The following SLC24A2 variants were observed in gnomAD, a reference collection of about 807,000 sequenced individuals.
SLC24A2 encodes the protein solute carrier family 24 member 2.
Under a neutral mutation model 62.0 loss-of-function variants are expected in SLC24A2, and 36 were observed. The observed-to-expected ratio is 0.58, with a 90% CI of 0.44 to 0.77. The LOEUF (loss-of-function observed/expected upper bound fraction) is 0.77. Among genes scored for constraint, SLC24A2 ranks in the 30% least tolerant of loss-of-function variants. The probability of loss-of-function intolerance (pLI) is 0.00; values close to 1 mark genes in which losing one functional copy is unlikely to be tolerated. For synonymous variants in SLC24A2, 358 were observed against 294.0 expected (o/e 1.22, Z -2.23); for missense variants, 846 against 817.9 (o/e 1.03, Z -0.42).
At chr9:19,747,411 A>T (rs1003865718) in intron 2 of SLC24A2, among the ~76,000 whole-genome samples, 5 of 152,174 alleles carry the variant, frequency 3.3e-5, no homozygotes, top group Admixed American at 3.3e-4. Context: ...GTGTTACATT[A>T]TGCAAGTCCT....
intron 2 of SLC24A2, among the ~76,000 whole-genome samples, chr9:19,660,899 T>C (rs1819079022): frequency 6.6e-6 from 1 of 152,254 alleles, no homozygotes; most frequent in East Asian, 1.9e-4. Context: ...AGCTGAGGCT[T>C]GGAGAGGTTT....
At chr9:20,114,576 G>A in the SLC24A2 span, among the ~76,000 whole-genome samples, 7 of 152,186 alleles carry the variant, frequency 4.6e-5, no homozygotes, top group Admixed American at 3.9e-4. Context: ...TTTGGAAGAA[G>A]AGAAGCCTAT....
At chr9:20,190,493 T>C in the SLC24A2 span, among the ~76,000 whole-genome samples, 1 of 152,248 alleles carries the variant, frequency 6.6e-6, no homozygotes, top group African/African-American at 2.4e-5. Context: ...TAACATTTAC[T>C]AAGCATCTAA....
the SLC24A2 span, among the ~76,000 whole-genome samples, chr9:20,159,947 T>C: frequency 6.6e-6 from 1 of 151,434 alleles, no homozygotes; most frequent in African/African-American, 2.4e-5. Flanking sequence ...TACAGAAATA[T>C]CAGTAATAAT....
At chr9:19,611,260 G>A (rs778431352) in intron 4 of SLC24A2, among the ~76,000 whole-genome samples, 6 of 151,628 alleles carry the variant, frequency 4.0e-5, no homozygotes, top group Non-Finnish European at 7.4e-5. Context: ...GCAGAACAAG[G>A]GAAATGACAT....
chr9:20,278,194 C>G, the SLC24A2 span, among the ~76,000 whole-genome samples: 1 of 151,826 alleles, frequency 6.6e-6, no homozygotes. Flanking sequence ...TGTAACAAAC[C>G]GGCACACTGT....
At chr9:19,644,576 CTG>C (rs1038869347) in intron 2 of SLC24A2, among the ~76,000 whole-genome samples, 5 of 152,304 alleles carry the variant, frequency 3.3e-5, no homozygotes, top group African/African-American at 1.2e-4. Flanking sequence ...GATTCAAGGT[CTG>C]TGCTCTAATT....
chr9:19,901,981 C>T, the SLC24A2 span, among the ~76,000 whole-genome samples: 2 of 152,130 alleles, frequency 1.3e-5, no homozygotes, highest in African/African-American at 4.8e-5. Flanking sequence ...GCTGGGCTGC[C>T]ACAGAACAAG....
chr9:19,771,573 G>A (rs1822690040), intron 2 of SLC24A2, among the ~76,000 whole-genome samples: 4 of 152,074 alleles, frequency 2.6e-5, no homozygotes, highest in Admixed American at 2.6e-4. Flanking sequence ...TATAAGTCAG[G>A]GCCACAAAAC....
At chr9:20,284,945 A>G in the SLC24A2 span, among the ~76,000 whole-genome samples, 3 of 152,228 alleles carry the variant, frequency 2.0e-5, no homozygotes, top group African/African-American at 7.2e-5. Context: ...TTGTTTGAGA[A>G]GCTGCTTTTT....
chr9:20,172,963 C>G, the SLC24A2 span, among the ~76,000 whole-genome samples: 1 of 152,020 alleles, frequency 6.6e-6, no homozygotes, highest in Admixed American at 6.6e-5. Flanking sequence ...AATCCAACAA[C>G]GTATCAAAAG....
the SLC24A2 span, among the ~76,000 whole-genome samples, chr9:20,014,510 A>ATATG: frequency 6.7e-6 from 1 of 149,638 alleles, no homozygotes. Context: ...ATATATATAT[A>ATATG]TATATATACA....
the SLC24A2 span, among the ~76,000 whole-genome samples, chr9:19,990,930 T>TATGTGTATATATATATATATAG: frequency 6.9e-6 from 1 of 145,506 alleles, no homozygotes; most frequent in African/African-American, 2.6e-5. Flanking sequence ...AGGATATATA[T>TATGTGTATATATATATATATAG]ATATATGTAT....
intron 2 of SLC24A2, among the ~76,000 whole-genome samples, chr9:19,718,347 C>T (rs776261451): frequency 5.5e-4 from 68 of 124,006 alleles, no homozygotes; most frequent in Non-Finnish European, 9.7e-4. Context: ...GGCTGGAGTG[C>T]AGTGGTGCAA....
the SLC24A2 span, among the ~76,000 whole-genome samples, chr9:20,277,899 T>C: frequency 2.0e-5 from 3 of 152,168 alleles, no homozygotes; most frequent in African/African-American, 4.8e-5. Context: ...TGCAATACTA[T>C]GCAATCATAA....
intron 7 of SLC24A2, 63 bp downstream of exon 7, chr9:19,573,288 G>T: frequency 1.8e-6 from 2 of 1,119,552 alleles, no homozygotes; most frequent in Non-Finnish European, 2.7e-6. Flanking sequence ...TAGGGTCTGT[G>T]CTGCCACGCT....
At chr9:19,976,230 T>G in the SLC24A2 span, among the ~76,000 whole-genome samples, 1 of 152,178 alleles carries the variant, frequency 6.6e-6, no homozygotes, top group Non-Finnish European at 1.5e-5. Flanking sequence ...ATAGCTTTCA[T>G]ATTGTATTAG....
At chr9:19,569,728 G>A (rs1382460292) in intron 7 of SLC24A2, among the ~76,000 whole-genome samples, 1 of 152,094 alleles carries the variant, frequency 6.6e-6, no homozygotes, top group Admixed American at 6.5e-5. Flanking sequence ...ACAGAAGTCA[G>A]CTACCCTATC....
chr9:19,905,672 G>A, the SLC24A2 span, among the ~76,000 whole-genome samples: 1 of 151,926 alleles, frequency 6.6e-6, no homozygotes, highest in South Asian at 2.1e-4. Flanking sequence ...TGGGATTACA[G>A]GTGTGAGCAA....
Sources: gnomAD v4.1 joint callset for allele counts (sites outside exome capture counted in the v4.1 genomes callset) on GRCh38, gnomAD v4.1.1 for gene constraint, MANE v1.5 for transcripts, NCBI Gene and HGNC (gene_info 2026-07-23, HGNC 2026-07-21) for gene names.